The following VPS13A variants were observed in gnomAD, a reference collection of about 807,000 sequenced individuals.
VPS13A encodes the protein intermembrane lipid transfer protein VPS13A.
VPS13A carries 264 observed loss-of-function variants against 390.9 expected under a neutral mutation model. The observed-to-expected ratio is 0.68, with a 90% CI of 0.61 to 0.75. The LOEUF (loss-of-function observed/expected upper bound fraction) is 0.75. Ranked by LOEUF, VPS13A falls within the 30% of genes least tolerant of loss-of-function variation. VPS13A has a pLI of 0.00. For synonymous variants in VPS13A, 1,231 were observed against 1,227.1 expected, an observed-to-expected ratio of 1.00 and a Z score of -0.07; for missense variants, 3,409 against 3,733.9, an observed-to-expected ratio of 0.91 and a Z score of 2.27.
At chr9:77,341,693 T>C (rs1830828667) in intron 50 of VPS13A, among the ~76,000 whole-genome samples, 1 of 51,666 alleles carries the variant, frequency 1.9e-5, no homozygotes. Context: ...CATCTTTCCT[T>C]TTTTTTTTTT....
At chr9:77,305,454 T>C (rs887153864) in intron 34 of VPS13A, 1 of 152,932 alleles carries the variant, frequency 6.5e-6, no homozygotes, top group Admixed American at 6.5e-5. Context: ...ATAAATATTA[T>C]GTTCCACCCA....
At chr9:77,195,013 G>A (rs1824905345) in intron 1 of VPS13A, among the ~76,000 whole-genome samples, 1 of 152,062 alleles carries the variant, frequency 6.6e-6, no homozygotes, top group Admixed American at 6.5e-5. Context: ...TGTTGCCTAT[G>A]CTTTTGGTGT....
chr9:77,199,818 A>G, intron 1 of VPS13A, 127 bp from the exon 2 acceptor site: 1 of 724,608 alleles, frequency 1.4e-6, no homozygotes, highest in Non-Finnish European at 2.2e-6. Context: ...TTATAGGCAG[A>G]TTATATTATC....
chr9:77,278,366 C>T (rs898884544), intron 26 of VPS13A, among the ~76,000 whole-genome samples: 1 of 151,922 alleles, frequency 6.6e-6, no homozygotes, highest in African/African-American at 2.4e-5. Context: ...AGCCACCGCG[C>T]CTGGCCACAC....
intron 68 of VPS13A, among the ~76,000 whole-genome samples, chr9:77,391,278 G>T (rs1032146473): frequency 1.3e-5 from 2 of 152,136 alleles, no homozygotes; most frequent in African/African-American, 4.8e-5. Flanking sequence ...GTGTGTGTAC[G>T]TGCATGCTGT....
intron 71 of VPS13A, 196 bp downstream of exon 71, chr9:77,407,803 C>T (rs142180982): frequency 1.7e-4 from 92 of 531,310 alleles, no homozygotes; most frequent in African/African-American, 1.1e-3. Flanking sequence ...AGATTCAATT[C>T]GGCATACCTA....
chr9:77,269,368 G>A (rs1002398650), intron 23 of VPS13A, among the ~76,000 whole-genome samples: 1 of 152,094 alleles, frequency 6.6e-6, no homozygotes, highest in African/African-American at 2.4e-5. Context: ...GTCTATTTCA[G>A]ACTCTTCCAG....
chr9:77,209,515 A>T lies in VPS13A; in HGVS notation c.478A>T (p.Ile160Phe), dbSNP rs1322784673. 1 of 1,588,880 alleles carries T rather than the reference A, an allele frequency of 6.3e-7. No individual in the cohort carries two copies. Among genetic ancestry groups the T allele is most frequent in the East Asian group, 2.2e-5 (1 of 44,566 alleles). The change falls in exon 6 of 72, where the codon ATT becomes TTT. Residue 160 changes from isoleucine (I) to phenylalanine (F), a missense_variant. Around this residue, in one of 5 missense-constraint regions of VPS13A, gnomAD observed 2,717 missense variants for 2,917.4 expected, o/e 0.93. Coordinates refer to ENST00000360280, the MANE Select transcript of VPS13A (RefSeq NM_033305.3). Reference sequence around the variant, plus strand: ...TCAGGTGAAAATTTCCAGTATCCATATTCGTTATGAAGATGATGTAAGTAT... The same window carrying T: ...TCAGGTGAAAATTTCCAGTATCCATTTTCGTTATGAAGATGATGTAAGTAT... ...NLQVKISSIHIRYEDDITNRD... is the reference protein window; with the variant it reads ...NLQVKISSIHFRYEDDITNRD...
intron 7 of VPS13A, 123 bp from the exon 8 acceptor site, chr9:77,212,846 T>TA: frequency 1.0e-6 from 1 of 978,018 alleles, no homozygotes; most frequent in Non-Finnish European, 1.6e-6. Context: ...GATGGAGTGA[T>TA]ATGTCTTTAA....
At chr9:77,214,208 A>G (rs1397288587) in intron 9 of VPS13A, 121 bp from the exon 10 acceptor site, 17 of 800,548 alleles carry the variant, frequency 2.1e-5, no homozygotes, top group Non-Finnish European at 3.7e-5. Flanking sequence ...TCCATGAGAC[A>G]GGGGTTGCAG....
chr9:77,380,992 G>A (rs1833401293), intron 67 of VPS13A, among the ~76,000 whole-genome samples: 1 of 152,212 alleles, frequency 6.6e-6, no homozygotes, highest in Non-Finnish European at 1.5e-5. Context: ...ACTGGTTCAA[G>A]TCCCATGGGT....
intron 35 of VPS13A, among the ~76,000 whole-genome samples, chr9:77,311,770 CTT>C (rs1306556039): frequency 6.6e-6 from 1 of 152,100 alleles, no homozygotes; most frequent in African/African-American, 2.4e-5. Context: ...TGCAGAATAC[CTT>C]TTTGTTTTTA....
rs552356042 is a variant in VPS13A at position 77,228,971 on chromosome 9, C to G, written c.1595+707C>G. Reference sequence around the variant, plus strand: ...TGATTCAAATTATCTCCCACCAGGTCCCTCCCACAACACGTGGGAATTATG... The same window carrying G: ...TGATTCAAATTATCTCCCACCAGGTGCCTCCCACAACACGTGGGAATTATG... On this transcript the variant is annotated intron_variant, in intron 17 of 71. Coordinates refer to ENST00000360280, the MANE Select transcript of VPS13A (RefSeq NM_033305.3). 3.9e-5 allele frequency among the ~76,000 whole-genome samples: 6 copies of G among 152,276 alleles called. No homozygotes were observed. In the South Asian group the frequency reaches 1.2e-3, roughly 32 times the overall value.
chr9:77,183,064 T>A (rs999329755), intron 1 of VPS13A, among the ~76,000 whole-genome samples: 1 of 152,212 alleles, frequency 6.6e-6, no homozygotes, highest in Non-Finnish European at 1.5e-5. Context: ...CCTTATGTAT[T>A]ATTTTTATAT....
intron 68 of VPS13A, among the ~76,000 whole-genome samples, chr9:77,399,945 ATC>A (rs781546486): frequency 1.3e-5 from 2 of 152,046 alleles, no homozygotes; most frequent in Admixed American, 6.5e-5. Flanking sequence ...TATCTTATAC[ATC>A]TCTCTATGTC....
In VPS13A at chr9:77,337,437, T is replaced by C. The variant is rs1313892476; in HGVS notation, c.6278T>C (p.Val2093Ala). 1.9e-6 allele frequency: 3 copies of C among 1,613,098 alleles called. No homozygotes were observed. Among genetic ancestry groups the C allele is most frequent in the East Asian group, 2.2e-5 (1 of 44,766 alleles). The change falls in exon 47 of 72, where the codon GTG becomes GCG. Residue 2093 changes from valine (V) to alanine (A), a missense_variant. This residue lies in a region of VPS13A where 2,717 missense variants were observed against 2,917.4 expected (regional missense o/e 0.93). Transcript: ENST00000360280. ...AAAGATAATTTAACATCTCTATCAG[T>C]GTATTCAGAAGATGGTTGGGATTTA... The part of the protein sequence containing the change: ...PEKDNLTSLS[V>A]YSEDGWDLPY...
intron 69 of VPS13A, among the ~76,000 whole-genome samples, chr9:77,404,248 A>G (rs762613391): frequency 2.6e-5 from 4 of 152,146 alleles, no homozygotes; most frequent in Non-Finnish European, 4.4e-5. Context: ...GAAATATTCT[A>G]TGCCTCTACA....
intron 38 of VPS13A, 89 bp downstream of exon 38, chr9:77,315,559 T>A: frequency 8.1e-7 from 1 of 1,233,480 alleles, no homozygotes; most frequent in Non-Finnish European, 1.2e-6. Flanking sequence ...ATCATCAAAG[T>A]AAATGCTTTA....
chr9:77,395,033 G>A (rs566413172), intron 68 of VPS13A, among the ~76,000 whole-genome samples: 1 of 152,230 alleles, frequency 6.6e-6, no homozygotes, highest in South Asian at 2.1e-4. Context: ...TAATTCTTGT[G>A]TTCACTGGAG....
Sources: gnomAD v4.1 joint callset for allele counts (sites outside exome capture counted in the v4.1 genomes callset) on GRCh38, gnomAD v4.1.1 for gene constraint, gnomAD v4.1.1 regional missense constraint, MANE v1.5 for transcripts, NCBI Gene and HGNC (gene_info 2026-07-23, HGNC 2026-07-21) for gene names.